The following FEM1C variants were observed in gnomAD, a reference collection of about 807,000 sequenced individuals.
FEM1C encodes the protein fem-1 homolog C, also known as protein fem-1 homolog C.
A neutral mutation model predicts 37.6 loss-of-function variants in FEM1C; 15 were observed. The observed-to-expected ratio is 0.40, with a 90% confidence interval of 0.27 to 0.61. The LOEUF (loss-of-function observed/expected upper bound fraction) is 0.61. Among genes scored for constraint, FEM1C ranks in the 20% least tolerant of loss-of-function variants. FEM1C has a pLI of 0.42. For missense variants in FEM1C, 532 were observed against 749.7 expected (o/e 0.71, Z 3.39); for synonymous variants, 287 against 272.8 (o/e 1.05, Z -0.51).
rs939954627 is a variant in FEM1C, at chr5:115,534,581, A to C, written c.544+8369T>G. 1.3e-5 allele frequency among the ~76,000 whole-genome samples: 2 copies of C among 152,076 alleles called. 1 individual carries two copies. The highest frequency in any genetic ancestry group is 6.8e-3 in the Middle Eastern group (2 of 294). ...AAAATTACCAAGATTCACCAGGATC[A>C]AGTCAGTTTCTAAACCACCCTCACG... On this transcript the variant is annotated intron_variant, in intron 2 of 2. Transcript: ENST00000274457.
chr5:115,527,640 C>A (rs1012898289), intron 2 of FEM1C, among the ~76,000 whole-genome samples: 3 of 152,084 alleles, frequency 2.0e-5, no homozygotes, highest in Non-Finnish European at 4.4e-5. Context: ...TAAGAGAAAT[C>A]TGAATATAAA....
rs752112976 is a variant in FEM1C, at chr5:115,532,537, AG to A, written c.545-6921del. On this transcript the variant is annotated intron_variant, in intron 2 of 2. Transcript: ENST00000274457. ...TTATTACTTACAGCTTAGAAAACAG[AG>A]GGGAAAAAAAAAAGGCATGATCTTA... 9.2e-4 allele frequency among the ~76,000 whole-genome samples: 138 copies of A among 150,160 alleles called. 1 individual carries two copies. The highest frequency in any genetic ancestry group is 2.6e-3 in the African/African-American group (106 of 40,872).
At position 115,524,412 on chromosome 5, in the gene FEM1C, T is replaced by C; in HGVS notation, c.1750A>G (p.Thr584Ala). 6.2e-7 allele frequency: 1 copy of C among 1,613,602 alleles called. No homozygotes were observed. Residue 584 changes from threonine (T) to alanine (A), a missense_variant, in exon 3 of 3, where the codon ACC (threonine) becomes GCC (alanine). Thr to Ala is a moderately conservative substitution (Grantham distance 58). Transcript: ENST00000274457. ...AKNLIQPINH[T>A]TLQCLAARVI... ...CGAGCAGCAAGACACTGCAATGTGG[T>C]ATGATTTATAGGCTGGATTAAATTT...
In FEM1C at chr5:115,524,433, A is replaced by G; in HGVS notation, c.1729T>C (p.Leu577=). ...LLDEKEIAKN[L]IQPINHTTLQ... The stretch of plus-strand genomic sequence containing the variant: ...GTGGTATGATTTATAGGCTGGATTA[A>G]ATTTTTAGCTATTTCCTTCTCATCC... The change falls in exon 3 of 3, where the codon TTA becomes CTA. Residue 577 remains leucine, a synonymous_variant. Coordinates refer to ENST00000274457, the MANE Select transcript of FEM1C (RefSeq NM_020177.3). The G allele has an allele frequency of 6.2e-7, 1 of 1,613,418 alleles. No individual in the cohort carries two copies. Among genetic ancestry groups the G allele is most frequent in the East Asian group, 2.2e-5 (1 of 44,866 alleles).
chr5:115,538,712 G>C (rs574867251), intron 2 of FEM1C, among the ~76,000 whole-genome samples: 1 of 152,058 alleles, frequency 6.6e-6, no homozygotes, highest in East Asian at 1.9e-4. Context: ...TAGATTAAAT[G>C]TCCTTTAAAA....
rs1753768429 is a variant in FEM1C, at chr5:115,521,276, G to C, written c.*3032C>G. 2.0e-5 allele frequency: 3 copies of C among 151,548 alleles called. No individual in the cohort carries two copies. The highest frequency in any genetic ancestry group is 2.0e-4 in the Admixed American group (3 of 15,184). 9.4% of individuals were successfully genotyped at this position (151,548 alleles called of 1,614,324 possible). ...AAAAATTATCATACCTGTAAATTCA[G>C]CCTAAGGTTTCTGTTGGGCAATATG... is the stretch of plus-strand genomic sequence containing the variant. On this transcript the variant is annotated 3_prime_UTR_variant, in exon 3 of 3. Transcript: ENST00000274457.
In FEM1C at chr5:115,521,105, A is replaced by G. The variant is rs1046802134; in HGVS notation, c.*3203T>C. On this transcript the variant is annotated 3_prime_UTR_variant, in exon 3 of 3. Transcript: ENST00000274457. ...AAAAAAAAAAAAAGAAAAAGAAAAAAAGAAAATGATGATGACCAATTAGTT... is the reference window on the plus strand; with the variant it reads ...AAAAAAAAAAAAAGAAAAAGAAAAAGAGAAAATGATGATGACCAATTAGTT... 6.6e-6 allele frequency: 1 copy of G among 151,712 alleles called. No individual in the cohort carries two copies. The highest frequency in any genetic ancestry group is 2.4e-5 in the African/African-American group (1 of 41,368). The allele number at this position is 151,712 out of a possible 1,614,324, so 9.4% of individuals were successfully genotyped here.
At chr5:115,541,924 T>C (rs1330824371) in intron 2 of FEM1C, among the ~76,000 whole-genome samples, 2 of 152,154 alleles carry the variant, frequency 1.3e-5, no homozygotes, top group African/African-American at 4.8e-5. Context: ...GTCAGCGCAT[T>C]AGAGATCTAG....
Position 115,525,160 on chromosome 5 carries a change from A to G in FEM1C, c.1002T>C (p.His334=), listed in dbSNP as rs748124000. The change falls in exon 3 of 3, where the codon CAT becomes CAC. Residue 334 remains histidine, a synonymous_variant. Coordinates refer to ENST00000274457, the MANE Select transcript of FEM1C (RefSeq NM_020177.3). The part of the protein sequence containing the change: ...LIRERILGPS[H]PDTSYYIRYR... ...ATCTAATATAGTAAGAGGTATCAGG[A>G]TGAGAAGGACCAAGAATACGTTCTC... 1.9e-6 allele frequency: 3 copies of G among 1,613,606 alleles called. No homozygotes were observed. The highest frequency in any genetic ancestry group is 2.5e-6 in the Non-Finnish European group (3 of 1,179,836).
At chr5:115,535,856 T>C (rs1040250951) in intron 2 of FEM1C, among the ~76,000 whole-genome samples, 1 of 152,006 alleles carries the variant, frequency 6.6e-6, no homozygotes, top group Non-Finnish European at 1.5e-5. Flanking sequence ...AAAAGTGATA[T>C]ATCTATTTCA....
At chr5:115,544,302 A>C (rs941952999) in intron 1 of FEM1C, among the ~76,000 whole-genome samples, 16 of 122,688 alleles carry the variant, frequency 1.3e-4, no homozygotes, top group African/African-American at 4.9e-4. Flanking sequence ...TCCTCAAACC[A>C]CAGTCGCCCC....
At chr5:115,534,931 T>A (rs760550060) in intron 2 of FEM1C, among the ~76,000 whole-genome samples, 1 of 151,920 alleles carries the variant, frequency 6.6e-6, no homozygotes, top group Non-Finnish European at 1.5e-5. Flanking sequence ...ACTTGCCACA[T>A]AGCTAATATA....
intron 2 of FEM1C, among the ~76,000 whole-genome samples, chr5:115,531,167 G>A (rs1754007231): frequency 6.6e-6 from 1 of 152,020 alleles, no homozygotes; most frequent in Non-Finnish European, 1.5e-5. Context: ...TCATTTCTAA[G>A]GTCATATTTT....
Position 115,522,376 on chromosome 5 carries a change from A to C in FEM1C, c.*1932T>G, listed in dbSNP as rs1215112613. The C allele has an allele frequency of 1.3e-5, 2 of 151,938 alleles. No homozygotes were observed. Among genetic ancestry groups the C allele is most frequent in the African/African-American group, 4.8e-5 (2 of 41,432 alleles). 9.4% of individuals were successfully genotyped at this position (151,938 alleles called of 1,614,324 possible). A position where few individuals can be genotyped will look rare whatever the true frequency, so the allele number is the denominator to read the frequency against. Reference sequence around the variant, plus strand: ...GTATTCTTAATATATGTGACAGTTCAAATATTTCATCAAATTTTCCCACAG... The same window carrying C: ...GTATTCTTAATATATGTGACAGTTCCAATATTTCATCAAATTTTCCCACAG... On this transcript the variant is annotated 3_prime_UTR_variant, in exon 3 of 3. Coordinates refer to ENST00000274457, the MANE Select transcript of FEM1C (RefSeq NM_020177.3).
chr5:115,525,858 G>A (rs1050831979), intron 2 of FEM1C, among the ~76,000 whole-genome samples: 8 of 152,066 alleles, frequency 5.3e-5, no homozygotes, highest in Non-Finnish European at 8.8e-5. Flanking sequence ...AAAGTCACCA[G>A]AAGAAATTCA....
At position 115,525,286 on chromosome 5, in the gene FEM1C, T is replaced by C. The variant is rs140001534; in HGVS notation, c.876A>G (p.Leu292=). The change falls in exon 3 of 3, where the codon CTA becomes CTG. Residue 292 remains leucine (L), a synonymous_variant. Transcript: ENST00000274457. ...NIISKPVPQT[L]IMAYDYAKEV... ...CCTTGGCATAATCATAAGCCATTAT[T>C]AGTGTCTGTGGCACTGGTTTACTAA... 41 of 1,613,664 alleles carry C rather than the reference T, an allele frequency of 2.5e-5. No homozygotes were observed. In the African/African-American group the frequency reaches 4.5e-4, roughly 18 times the overall value.
At chr5:115,531,581 G>A (rs976225903) in intron 2 of FEM1C, among the ~76,000 whole-genome samples, 18 of 152,168 alleles carry the variant, frequency 1.2e-4, no homozygotes, top group African/African-American at 3.6e-4. Context: ...AGGCCAGGTA[G>A]CATTTTAGGT....
At chr5:115,544,149 A>G in intron 1 of FEM1C, 1 of 985,450 alleles carries the variant, frequency 1.0e-6, no homozygotes, top group Non-Finnish European at 1.2e-6. Context: ...AACCCCGGCT[A>G]AGGCCAAAAC....
chr5:115,544,315 C>A (rs1324075705), intron 1 of FEM1C, among the ~76,000 whole-genome samples: 10 of 151,260 alleles, frequency 6.6e-5, no homozygotes, highest in Non-Finnish European at 1.2e-4. Flanking sequence ...GTCGCCCCAA[C>A]ACAACCTTCC....
Sources: allele counts gnomAD v4.1 joint callset (sites outside exome capture counted in the v4.1 genomes callset), GRCh38; gene constraint gnomAD v4.1.1; transcripts MANE v1.5; gene names NCBI Gene and HGNC (gene_info 2026-07-23, HGNC 2026-07-21).